TFAP2E: variants seen among roughly 807,000 people sequenced by gnomAD.
The protein encoded by TFAP2E is transcription factor AP-2 epsilon.
A neutral mutation model predicts 37.9 loss-of-function variants in TFAP2E; 30 were observed. The ratio of observed to expected loss-of-function variants is 0.79; its 90% confidence interval spans 0.59 to 1.07. The LOEUF (loss-of-function observed/expected upper bound fraction) is 1.07. Ranked by LOEUF, TFAP2E falls within the 50% of genes least tolerant of loss-of-function variation. The pLI, the probability that TFAP2E is intolerant of heterozygous loss-of-function variation, is 0.00. For missense variants in TFAP2E, 567 were observed against 637.9 expected (o/e 0.89, Z 1.20); for synonymous variants, 318 against 295.8 (o/e 1.08, Z -0.77).
chr1:35,574,373 G>C lies in TFAP2E; in HGVS notation c.474G>C (p.Pro158=). Reference sequence around the variant, plus strand: ...TGGCAGACGCACCTCTCGGCCTTCCGGGGCTGGCGGCGGCCCCCGGTCTGG... The same window carrying C: ...TGGCAGACGCACCTCTCGGCCTTCCCGGGCTGGCGGCGGCCCCCGGTCTGG... The part of the protein sequence containing the change: ...HGLADAPLGL[P]GLAAAPGLED... Residue 158 remains proline, a synonymous_variant, in exon 2 of 7, where the codon CCG becomes CCC. Coordinates refer to ENST00000373235, the MANE Select transcript of TFAP2E (RefSeq NM_178548.4). The C allele has an allele frequency of 6.9e-7, 1 of 1,440,490 alleles. No homozygotes were observed. The highest frequency in any genetic ancestry group is 9.0e-7 in the Non-Finnish European group (1 of 1,109,448). The allele number at this position is 1,440,490 out of a possible 1,614,324, so 89.2% of individuals were successfully genotyped here.
chr1:35,588,022 G>C lies in TFAP2E; in HGVS notation c.563-308G>C, dbSNP rs949972324. On this transcript the variant is annotated intron_variant, in intron 3 of 6. Transcript: ENST00000373235. This position sits in a 1 kb window ranked among gnomAD's most constrained non-coding sequence, Gnocchi z 5.1. Reference sequence around the variant, plus strand: ...CAGGGCCCCAGGGGTCCTGCCTCCAGCTCACACTCATATCCTTACATCCAG... The same window carrying C: ...CAGGGCCCCAGGGGTCCTGCCTCCACCTCACACTCATATCCTTACATCCAG... Among the ~76,000 whole-genome samples the C allele has an allele frequency of 7.2e-5, 11 of 152,252 alleles. No individual in the cohort carries two copies. The South Asian group carries it at 8.3e-4, about 11-fold the overall frequency.
chr1:35,592,487 T>C (rs753966159), intron 6 of TFAP2E, among the ~76,000 whole-genome samples: 1 of 152,114 alleles, frequency 6.6e-6, no homozygotes, highest in Non-Finnish European at 1.5e-5. Flanking sequence ...AACCTCCAGC[T>C]CCTGGGTTCA....
Position 35,590,190 on chromosome 1 carries a change from C to G in TFAP2E, c.904+142C>G, listed in dbSNP as rs979641142. 3.8e-6 allele frequency: 3 copies of G among 787,702 alleles called. No individual in the cohort carries two copies. In the African/African-American group the frequency reaches 5.1e-5, roughly 13 times the overall value. The allele number at this position is 787,702 out of a possible 1,614,324, so 48.8% of individuals were successfully genotyped here. A position where few individuals can be genotyped will look rare whatever the true frequency, so the allele number is the denominator to read the frequency against. ...GTTGCAGTATCTGTGTGCGTATTCTCTGTCATGTATAAGGTGTGTTTGTGA... is the reference window on the plus strand; with the variant it reads ...GTTGCAGTATCTGTGTGCGTATTCTGTGTCATGTATAAGGTGTGTTTGTGA... On this transcript the variant is annotated intron_variant, in intron 5 of 6. Transcript: ENST00000373235. The surrounding 1 kb of genome is among the most constrained non-coding windows in gnomAD (Gnocchi z 6.2).
rs1649647625 is a variant in TFAP2E at position 35,590,916 on chromosome 1, GCA to G, written c.1046+150_1046+151del. On this transcript the variant is annotated intron_variant, in intron 6 of 6. Coordinates refer to ENST00000373235, the MANE Select transcript of TFAP2E (RefSeq NM_178548.4). This position sits in a 1 kb window ranked among gnomAD's most constrained non-coding sequence, Gnocchi z 6.2. The stretch of plus-strand genomic sequence containing the variant: ...GCACCACTGTGTACACGAGCAGTGG[GCA>G]CACACACATACGTGCGCACCACTGT... 4.0e-6 allele frequency: 4 copies of G among 1,001,516 alleles called. No individual in the cohort carries two copies. The highest frequency in any genetic ancestry group is 4.0e-5 in the South Asian group (1 of 24,928). The allele number at this position is 1,001,516 out of a possible 1,614,324, so 62.0% of individuals were successfully genotyped here. A position where few individuals can be genotyped will look rare whatever the true frequency, so the allele number is the denominator to read the frequency against.
intron 3 of TFAP2E, among the ~76,000 whole-genome samples, chr1:35,581,361 A>T (rs1649346007): frequency 6.6e-6 from 1 of 152,210 alleles, no homozygotes; most frequent in Non-Finnish European, 1.5e-5. Flanking sequence ...GTTGCTATGA[A>T]CATTCACATA....
At position 35,594,443 on chromosome 1, in the gene TFAP2E, C is replaced by T; in HGVS notation, c.1096C>T (p.Leu366=). 2 of 1,614,224 alleles carry T rather than the reference C, an allele frequency of 1.2e-6. No individual in the cohort carries two copies. The highest frequency in any genetic ancestry group is 2.2e-5 in the South Asian group (2 of 91,084). Residue 366 remains leucine (L), a synonymous_variant, in exon 7 of 7, where the codon CTG becomes TTG. Transcript: ENST00000373235. ...CTTGATGGCTCAGGACCGCTCACCG[C>T]TGGGCAACAGCCGCCCAGCACTCAT... The part of the protein sequence containing the change: ...ADLMAQDRSP[L]GNSRPALILE...
chr1:35,573,660 C>T lies in TFAP2E; in HGVS notation c.27+56C>T, dbSNP rs1478434269. 5.2e-6 allele frequency: 8 copies of T among 1,532,518 alleles called. No individual in the cohort carries two copies. In the Admixed American group the frequency reaches 1.6e-4, roughly 31 times the overall value. 94.9% of individuals were successfully genotyped at this position (1,532,518 alleles called of 1,614,324 possible). ...GCCGGGGGATCGGGGCGCCTGAGTG[C>T]TGGACTTTCCAACCCTCCTGTCCCG... is the stretch of plus-strand genomic sequence containing the variant. On this transcript the variant is annotated intron_variant, in intron 1 of 6. Transcript: ENST00000373235. The surrounding 1 kb of genome is among the most constrained non-coding windows in gnomAD (Gnocchi z 5.9).
chr1:35,590,529 A>T lies in TFAP2E; in HGVS notation c.905-105A>T. ...GGAACATCAGAGGGGGCATCTACAC[A>T]GGCAGGATGGGGCAGGATACCCCTG... On this transcript the variant is annotated intron_variant, in intron 5 of 6. Transcript: ENST00000373235. The surrounding 1 kb of genome is among the most constrained non-coding windows in gnomAD (Gnocchi z 6.2). The T allele has an allele frequency of 7.5e-7, 1 of 1,331,856 alleles. No individual in the cohort carries two copies. The highest frequency in any genetic ancestry group is 2.0e-5 in the South Asian group (1 of 48,790). 82.5% of individuals were successfully genotyped at this position (1,331,856 alleles called of 1,614,324 possible). A position where few individuals can be genotyped will look rare whatever the true frequency, so the allele number is the denominator to read the frequency against.
chr1:35,581,144 T>C (rs1357425406), intron 3 of TFAP2E, among the ~76,000 whole-genome samples: 1 of 152,216 alleles, frequency 6.6e-6, no homozygotes, highest in Non-Finnish European at 1.5e-5. Flanking sequence ...CAAGCGTCTT[T>C]TGCTTAGCAT....
At chr1:35,593,615 T>G (rs1436278388) in intron 6 of TFAP2E, among the ~76,000 whole-genome samples, 1 of 152,248 alleles carries the variant, frequency 6.6e-6, no homozygotes, top group Non-Finnish European at 1.5e-5. Flanking sequence ...CTGCTCATAC[T>G]GTGGCTGGAG....
At position 35,594,754 on chromosome 1, in the gene TFAP2E, G is replaced by T; in HGVS notation, c.*78G>T. ...TAGCTCTTGGGGGTGGGCCTGGAAG[G>T]ACTGAAAGGTGGGATTAGAGTCAGG... On this transcript the variant is annotated 3_prime_UTR_variant, in exon 7 of 7. Transcript: ENST00000373235. 6.3e-7 allele frequency: 1 copy of T among 1,586,222 alleles called. No homozygotes were observed. The highest frequency in any genetic ancestry group is 2.2e-5 in the East Asian group (1 of 44,798).
chr1:35,593,022 G>T (rs888090328), intron 6 of TFAP2E, among the ~76,000 whole-genome samples: 23 of 152,116 alleles, frequency 1.5e-4, no homozygotes, highest in African/African-American at 5.6e-4. Flanking sequence ...AAAAGACAGA[G>T]AGAGGAGGGG....
chr1:35,585,380 T>C (rs1333117068), intron 3 of TFAP2E, among the ~76,000 whole-genome samples: 1 of 152,194 alleles, frequency 6.6e-6, no homozygotes, highest in Non-Finnish European at 1.5e-5. Context: ...TTGGCGGGAC[T>C]TTGCATAAGG....
intron 3 of TFAP2E, among the ~76,000 whole-genome samples, chr1:35,580,577 G>T (rs184458795): frequency 9.3e-4 from 142 of 152,088 alleles, no homozygotes; most frequent in African/African-American, 2.8e-3. Context: ...TGGCAAACAC[G>T]GTGAAACCCC....
intron 3 of TFAP2E, among the ~76,000 whole-genome samples, chr1:35,586,795 G>C (rs549111840): frequency 6.6e-6 from 1 of 152,222 alleles, no homozygotes; most frequent in South Asian, 2.1e-4. Context: ...GGAGAGACTA[G>C]ACGTTCTGCC....
In TFAP2E at chr1:35,574,003, C is replaced by A; in HGVS notation, c.104C>A (p.Ala35Glu). 6.7e-7 allele frequency: 1 copy of A among 1,483,856 alleles called. No homozygotes were observed. Among genetic ancestry groups the A allele is most frequent in the Non-Finnish European group, 8.9e-7 (1 of 1,125,142 alleles). The allele number at this position is 1,483,856 out of a possible 1,614,324, so 91.9% of individuals were successfully genotyped here. A position where few individuals can be genotyped will look rare whatever the true frequency, so the allele number is the denominator to read the frequency against. Residue 35 changes from alanine (A) to glutamate (E), a missense_variant, in exon 2 of 7, where the codon GCG becomes GAG. Around this residue, in one of 3 missense-constraint regions of TFAP2E, gnomAD observed 312 missense variants for 317.4 expected, o/e 0.98. Transcript: ENST00000373235. ...SSLPQAAYGP[A>E]PPLCHTPAAT... ...CTGCCCCAGGCGGCCTACGGGCCGG[C>A]GCCCCCGCTCTGCCACACGCCGGCC...
Position 35,577,177 on chromosome 1 carries a change from G to T in TFAP2E, c.562+2177G>T, listed in dbSNP as rs1476184962. On this transcript the variant is annotated intron_variant, in intron 3 of 6. Coordinates refer to ENST00000373235, the MANE Select transcript of TFAP2E (RefSeq NM_178548.4). This position sits in a 1 kb window ranked among gnomAD's most constrained non-coding sequence, Gnocchi z 6.3. ...AGCAAAGGGGAAGGGGCAGGAGCCGGGCACAGTTGGATCCGGAGGTCGTGA... is the reference window on the plus strand; with the variant it reads ...AGCAAAGGGGAAGGGGCAGGAGCCGTGCACAGTTGGATCCGGAGGTCGTGA... The T allele has an allele frequency of 2.8e-6, 1 of 353,472 alleles. No individual in the cohort carries two copies. The highest frequency in any genetic ancestry group is 2.1e-5 in the African/African-American group (1 of 46,566). The allele number at this position is 353,472 out of a possible 1,614,324, so 21.9% of individuals were successfully genotyped here.
chr1:35,590,669 G>T lies in TFAP2E; in HGVS notation c.940G>T (p.Val314Phe), dbSNP rs374327024. ...AVHLARDFGY[V>F]CETEFPAKAA... ...GCACCTGGCCCGAGACTTCGGTTAC[G>T]TCTGTGAGACGGAGTTCCCAGCCAA... The change falls in exon 6 of 7, where the codon GTC becomes TTC. Residue 314 changes from valine (V) to phenylalanine (F), a missense_variant. Physicochemically the swap from Val to Phe is conservative, Grantham distance 50 (BLOSUM62 -1). Transcript: ENST00000373235. The surrounding 1 kb of genome is among the most constrained non-coding windows in gnomAD (Gnocchi z 6.2). The T allele has an allele frequency of 4.5e-6, 7 of 1,551,696 alleles. No individual in the cohort carries two copies. Among genetic ancestry groups the T allele is most frequent in the Non-Finnish European group, 6.1e-6 (7 of 1,139,712 alleles).
rs138814453 is a variant in TFAP2E, at chr1:35,588,981, G to GTC, written c.785+441_785+442dup. Among the ~76,000 whole-genome samples, 162 of 152,060 alleles carry GTC rather than the reference G, an allele frequency of 1.1e-3. No individual in the cohort carries two copies. Among genetic ancestry groups the GTC allele is most frequent in the African/African-American group, 3.8e-3 (158 of 41,510 alleles). On this transcript the variant is annotated intron_variant, in intron 4 of 6. Transcript: ENST00000373235. This position sits in a 1 kb window ranked among gnomAD's most constrained non-coding sequence, Gnocchi z 5.1. ...CCATGGTTCATCTTCCTAGACCTGTGTCTCTCTCTCTCTGTGCATGTCTTT... is the reference window on the plus strand; with the variant it reads ...CCATGGTTCATCTTCCTAGACCTGTGTCTCTCTCTCTCTCTGTGCATGTCTTT...
Sources: gnomAD v4.1 joint callset for allele counts (sites outside exome capture counted in the v4.1 genomes callset) on GRCh38, gnomAD v4.1.1 for gene constraint, gnomAD v4.1.1 regional missense constraint, Gnocchi (gnomAD v3.1) non-coding constraint, MANE v1.5 for transcripts, NCBI Gene and HGNC (gene_info 2026-07-23, HGNC 2026-07-21) for gene names.